The following DNAH7 variants were observed in gnomAD, a reference collection of about 807,000 sequenced individuals.
DNAH7 encodes the protein axonemal beta dynein heavy chain 7.
A neutral mutation model predicts 444.6 loss-of-function variants in DNAH7; 397 were observed. That is an observed-to-expected ratio of 0.89 (90% CI 0.82 to 0.97). The LOEUF (loss-of-function observed/expected upper bound fraction) is 0.97, where lower values mean the gene tolerates loss of function less well. Among genes scored for constraint, DNAH7 ranks in the 50% least tolerant of loss-of-function variants. The pLI, the probability that DNAH7 is intolerant of heterozygous loss-of-function variation, is 0.00. For missense variants in DNAH7, 4,902 were observed against 4,800.8 expected (o/e 1.02, Z -0.62); for synonymous variants, 1,636 against 1,624.4 (o/e 1.01, Z -0.17).
chr2:195,835,477 C>T (rs1029421190), intron 47 of DNAH7, among the ~76,000 whole-genome samples: 5 of 151,132 alleles, frequency 3.3e-5, no homozygotes, highest in East Asian at 3.9e-4. Flanking sequence ...GAAATTGGAA[C>T]GTCAATGGAT....
chr2:195,940,058 T>C (rs1048165105), intron 19 of DNAH7, among the ~76,000 whole-genome samples: 1 of 152,182 alleles, frequency 6.6e-6, no homozygotes, highest in Non-Finnish European at 1.5e-5. Flanking sequence ...AGAGCCCTTA[T>C]AGCCAAAACA....
intron 60 of DNAH7, among the ~76,000 whole-genome samples, chr2:195,772,928 C>A (rs965041735): frequency 6.6e-6 from 1 of 151,942 alleles, no homozygotes; most frequent in African/African-American, 2.4e-5. Flanking sequence ...TTATAGGGGA[C>A]TGCTACCACG....
chr2:195,868,045 T>C (rs80115930), intron 40 of DNAH7, among the ~76,000 whole-genome samples: 2,530 of 151,654 alleles, frequency 0.017, 79 homozygotes, highest in African/African-American at 0.057. Flanking sequence ...TGTATGAGGG[T>C]TCCAATTCTT....
rs59663711 is a variant in DNAH7 at position 195,924,923 on chromosome 2, C to T, written c.3613-1116G>A. The stretch of plus-strand genomic sequence containing the variant: ...TGTGCTTAAGAGACATATCAATATG[C>T]TCCAGTGGCTGCTTTTTCTACTTTA... On this transcript the variant is annotated intron_variant, in intron 22 of 64. Coordinates refer to ENST00000312428, the MANE Select transcript of DNAH7 (RefSeq NM_018897.3). 4.0e-3 allele frequency among the ~76,000 whole-genome samples: 602 copies of T among 152,226 alleles called. 1 individual carries two copies. Among genetic ancestry groups the T allele is most frequent in the African/African-American group, 0.013 (557 of 41,544 alleles).
intron 61 of DNAH7, among the ~76,000 whole-genome samples, chr2:195,770,653 A>G (rs886097907): frequency 1.3e-5 from 2 of 152,152 alleles, no homozygotes; most frequent in African/African-American, 4.8e-5. Flanking sequence ...CTTCTCACCC[A>G]TAATTCTCTA....
intron 17 of DNAH7, among the ~76,000 whole-genome samples, chr2:195,966,232 T>G (rs1015698825): frequency 2.0e-5 from 3 of 152,202 alleles, no homozygotes; most frequent in Non-Finnish European, 4.4e-5. Context: ...AGGAGCACAT[T>G]GCTTAATTCC....
chr2:195,936,861 T>C (rs1689090087), intron 19 of DNAH7, 69 bp from the exon 20 acceptor site: 3 of 1,150,558 alleles, frequency 2.6e-6, no homozygotes, highest in Non-Finnish European at 3.5e-6. Context: ...ATTCATATTA[T>C]ATTTGAGATT....
intron 57 of DNAH7, among the ~76,000 whole-genome samples, chr2:195,793,405 G>T (rs1160350938): frequency 1.3e-5 from 2 of 152,166 alleles, no homozygotes; most frequent in African/African-American, 4.8e-5. Flanking sequence ...GACTACTGCT[G>T]GAGAGACCTT....
chr2:195,954,691 T>C, intron 19 of DNAH7, among the ~76,000 whole-genome samples: 1 of 152,238 alleles, frequency 6.6e-6, no homozygotes. Flanking sequence ...CAGCACCTGT[T>C]GTTTCCTGAC....
intron 24 of DNAH7, among the ~76,000 whole-genome samples, chr2:195,910,983 A>G (rs751563142): frequency 6.6e-6 from 1 of 152,020 alleles, no homozygotes; most frequent in Non-Finnish European, 1.5e-5. Context: ...AAAAAACTCT[A>G]GAGTCTTCCT....
chr2:195,986,453 T>TC (rs1692915886), intron 14 of DNAH7, among the ~76,000 whole-genome samples: 2 of 152,200 alleles, frequency 1.3e-5, no homozygotes. Flanking sequence ...TTAGAGTTTT[T>TC]CACCCATGTA....
At chr2:195,915,557 A>G (rs563728759) in intron 24 of DNAH7, among the ~76,000 whole-genome samples, 125 of 152,328 alleles carry the variant, frequency 8.2e-4, no homozygotes, top group Non-Finnish European at 1.5e-3. Context: ...AGTATTGAGC[A>G]GAATCTTTCT....
intron 63 of DNAH7, among the ~76,000 whole-genome samples, chr2:195,745,724 C>G (rs1034491436): frequency 3.3e-5 from 5 of 152,242 alleles, no homozygotes; most frequent in African/African-American, 1.2e-4. Flanking sequence ...GAATTTTCAA[C>G]CCAGAATTTC....
intron 27 of DNAH7, chr2:195,904,306 G>C (rs916562389): frequency 6.6e-6 from 1 of 152,156 alleles, no homozygotes; most frequent in Non-Finnish European, 1.5e-5. Flanking sequence ...AGCGTTTACT[G>C]CTAGTTTAAA....
intron 1 of DNAH7, chr2:196,063,515 C>T (rs1160375773): frequency 1.3e-5 from 2 of 152,206 alleles, no homozygotes; most frequent in African/African-American, 4.8e-5. Flanking sequence ...GTCTGCCCAA[C>T]TGAATTTGTT....
At chr2:195,874,634 T>A (rs1700921646) in intron 38 of DNAH7, among the ~76,000 whole-genome samples, 1 of 150,264 alleles carries the variant, frequency 6.7e-6, no homozygotes, top group Admixed American at 6.6e-5. Context: ...CATAATAATA[T>A]GCCCCCAAGC....
At position 195,737,839 on chromosome 2, in the gene DNAH7, A is replaced by C. The variant is rs181324975; in HGVS notation, c.*82T>G. ...AGTCAAATGTATTTAAACAAACAAA[A>C]AAAAAGGTTTAAGTAGTAAAATATG... On this transcript the variant is annotated 3_prime_UTR_variant, in exon 65 of 65. Coordinates refer to ENST00000312428, the MANE Select transcript of DNAH7 (RefSeq NM_018897.3). 3.0e-4 allele frequency: 390 copies of C among 1,298,110 alleles called. 1 individual carries two copies. The African/African-American group carries it at 4.5e-3, about 15-fold the overall frequency. The allele number at this position is 1,298,110 out of a possible 1,614,324, so 80.4% of individuals were successfully genotyped here.
At chr2:195,928,210 T>C (rs1031836608) in intron 21 of DNAH7, among the ~76,000 whole-genome samples, 4 of 152,170 alleles carry the variant, frequency 2.6e-5, no homozygotes, top group Non-Finnish European at 4.4e-5. Context: ...TTGTTTAGGA[T>C]TATGGACTCC....
At chr2:195,925,832 A>G (rs1159125933) in intron 22 of DNAH7, among the ~76,000 whole-genome samples, 1 of 152,212 alleles carries the variant, frequency 6.6e-6, no homozygotes, top group African/African-American at 2.4e-5. Flanking sequence ...TTAAAATCCT[A>G]TCTCAATGAT....
Sources: gnomAD v4.1 joint callset for allele counts (sites outside exome capture counted in the v4.1 genomes callset) on GRCh38, gnomAD v4.1.1 for gene constraint, MANE v1.5 for transcripts, NCBI Gene and HGNC (gene_info 2026-07-23, HGNC 2026-07-21) for gene names.